Variants in KIF1A observed in about 807,000 individuals in gnomAD.
KIF1A encodes kinesin family member 1A.
KIF1A carries 46 observed loss-of-function variants against 227.3 expected under a neutral mutation model. The ratio of observed to expected loss-of-function variants is 0.20; its 90% CI spans 0.16 to 0.26. KIF1A has a LOEUF of 0.26. KIF1A is among the 10% of genes least tolerant of loss of function. The pLI is 1.00. For synonymous variants in KIF1A, 1,022 were observed against 1,012.8 expected, an observed-to-expected ratio of 1.01 and a Z score of -0.17; for missense variants, 1,683 against 2,485.9, an observed-to-expected ratio of 0.68 and a Z score of 6.87.
intron 2 of KIF1A, among the ~76,000 whole-genome samples, chr2:240,796,034 G>C (rs1004535324): frequency 7.2e-5 from 11 of 152,306 alleles, no homozygotes; most frequent in African/African-American, 2.6e-4. Flanking sequence ...GATTCACAGG[G>C]CCCTCCCTGA....
chr2:240,741,307 C>A lies in KIF1A; in HGVS notation c.3711G>T (p.Leu1237=), dbSNP rs763048724. The A allele has an allele frequency of 1.0e-5, 16 of 1,600,234 alleles. No homozygotes were observed. In the South Asian group the frequency reaches 1.7e-4, roughly 17 times the overall value. ...PGPCHCKYDL[L]VYFEICELEA... ...CCAGCTCACAGATCTCGAAGTAGAC[C>A]AGCAGGTCGTACTTGCAGTGGCAGG... Residue 1237 remains leucine (L), a synonymous_variant, in exon 35 of 49, where the codon CTG becomes CTT. Transcript: ENST00000498729.
chr2:240,717,888 C>T (rs563893216), intron 48 of KIF1A, among the ~76,000 whole-genome samples, 162 bp downstream of exon 48: 116 of 152,342 alleles, frequency 7.6e-4, no homozygotes, highest in African/African-American at 2.7e-3. Flanking sequence ...CCGCACCCTG[C>T]GGCTGGCCCT....
At chr2:240,784,696 G>A (rs1220845691) in intron 7 of KIF1A, among the ~76,000 whole-genome samples, 8 of 152,258 alleles carry the variant, frequency 5.3e-5, no homozygotes, top group African/African-American at 9.6e-5. Flanking sequence ...GGAGAGGCTG[G>A]GTGCCCTCCT....
intron 20 of KIF1A, 110 bp from the exon 21 acceptor site, chr2:240,763,456 A>T: frequency 2.0e-6 from 2 of 1,023,198 alleles, no homozygotes; most frequent in Non-Finnish European, 2.8e-6. Flanking sequence ...GCACCCCACC[A>T]TCCCCAGCTC....
At chr2:240,747,368 A>G (rs1242648966) in intron 28 of KIF1A, 47 bp from the exon 29 acceptor site, 3 of 1,527,498 alleles carry the variant, frequency 2.0e-6, no homozygotes, top group South Asian at 2.3e-5. Flanking sequence ...TTGTCCCCTG[A>G]GGTGGGTGTG....
chr2:240,746,486 G>GC (rs2048614813), intron 29 of KIF1A, among the ~76,000 whole-genome samples: 1 of 152,196 alleles, frequency 6.6e-6, no homozygotes, highest in Non-Finnish European at 1.5e-5. Flanking sequence ...ACCCCCGCCT[G>GC]CCAGGGCCCC....
At chr2:240,719,731 G>A in intron 46 of KIF1A, 43 bp downstream of exon 46, 1 of 1,496,070 alleles carries the variant, frequency 6.7e-7, no homozygotes, top group South Asian at 1.3e-5. Flanking sequence ...TCCCCTGTCA[G>A]CACAGAGCTG....
chr2:240,812,282 T>G (rs1197719122), intron 1 of KIF1A, among the ~76,000 whole-genome samples: 1 of 152,148 alleles, frequency 6.6e-6, no homozygotes. Flanking sequence ...CCAAGGCAGA[T>G]GACAAAGCGT....
rs80197742 is a variant in KIF1A, at chr2:240,749,479, C to T, written c.2977+950G>A. Among the ~76,000 whole-genome samples the T allele has an allele frequency of 3.2e-3, 494 of 152,298 alleles. 15 individuals carry two copies. The East Asian group carries it at 0.06, about 18-fold the overall frequency. On this transcript the variant is annotated intron_variant, in intron 28 of 48. Coordinates refer to ENST00000498729, the MANE Select transcript of KIF1A (RefSeq NM_001244008.2). Reference sequence around the variant, plus strand: ...TCTGTGTGTCTGTCTGTCTGTACTACTCCCTCCCTAGGGTGCCCAGGCAGC... The same window carrying T: ...TCTGTGTGTCTGTCTGTCTGTACTATTCCCTCCCTAGGGTGCCCAGGCAGC...
intron 44 of KIF1A, 97 bp downstream of exon 44, chr2:240,721,710 G>C: frequency 1.0e-6 from 1 of 993,558 alleles, no homozygotes; most frequent in Non-Finnish European, 1.5e-6. Flanking sequence ...ACTCTTAACT[G>C]CCTTTTCCCA....
At chr2:240,719,221 G>A (rs776896886) in intron 46 of KIF1A, 23 bp from the exon 47 acceptor site, 59 of 1,583,062 alleles carry the variant, frequency 3.7e-5, no homozygotes, top group African/African-American at 8.2e-5. Flanking sequence ...AGAGCTGCTC[G>A]CTGGGGCCCT....
chr2:240,724,042 G>A lies in KIF1A; in HGVS notation c.4257-6C>T, dbSNP rs1440735433. On this transcript the variant is annotated splice_polypyrimidine_tract_variant and splice_region_variant and intron_variant, in intron 40 of 48. Coordinates refer to ENST00000498729, the MANE Select transcript of KIF1A (RefSeq NM_001244008.2). ...ACACACCAGTCACACGGTTACTGTG[G>A]GGAGTAGAAGGAGTGACATGCAGTC... is the stretch of plus-strand genomic sequence containing the variant. 6.2e-7 allele frequency: 1 copy of A among 1,612,282 alleles called. No individual in the cohort carries two copies. The highest frequency in any genetic ancestry group is 8.5e-7 in the Non-Finnish European group (1 of 1,179,516).
In KIF1A at chr2:240,719,111, G is replaced by T; in HGVS notation, c.5109C>A (p.Pro1703=). ...TGTCGCTGTTGTACATGTAGGCATA[G>T]GGGCGCCGCACCACCACGAAGCGCC... ...WARRFVVVRR[P]YAYMYNSDKD... Residue 1703 remains proline (P), a synonymous_variant, in exon 47 of 49, where the codon CCC becomes CCA. Transcript: ENST00000498729. 6.2e-7 allele frequency: 1 copy of T among 1,612,626 alleles called. No homozygotes were observed. Among genetic ancestry groups the T allele is most frequent in the Non-Finnish European group, 8.5e-7 (1 of 1,179,756 alleles).
chr2:240,818,728 C>G (rs1316662520), intron 1 of KIF1A: 1 of 152,528 alleles, frequency 6.6e-6, no homozygotes, highest in Non-Finnish European at 1.5e-5. Context: ...AAGGCCCCGC[C>G]AGCCTGAGTG....
chr2:240,760,935 C>T, intron 24 of KIF1A, 92 bp from the exon 25 acceptor site: 1 of 1,253,780 alleles, frequency 8.0e-7, no homozygotes, highest in Non-Finnish European at 1.1e-6. Flanking sequence ...CTGGAGATTT[C>T]AGCTGCCTGC....
chr2:240,730,577 G>A (rs754045002), intron 38 of KIF1A, among the ~76,000 whole-genome samples: 4 of 152,290 alleles, frequency 2.6e-5, no homozygotes, highest in South Asian at 4.1e-4. Flanking sequence ...CCAGGGAGGC[G>A]ATCTAACAGG....
intron 27 of KIF1A, among the ~76,000 whole-genome samples, chr2:240,753,973 C>T (rs2049526469): frequency 1.3e-5 from 2 of 152,216 alleles, no homozygotes; most frequent in South Asian, 2.1e-4. Context: ...CTCACCCACT[C>T]TGAGTGGGCA....
chr2:240,764,100 G>A (rs1575591510), intron 20 of KIF1A, among the ~76,000 whole-genome samples: 2 of 152,288 alleles, frequency 1.3e-5, no homozygotes, highest in African/African-American at 4.8e-5. Flanking sequence ...TTCCCTAGTA[G>A]CTGCAGCTCT....
chr2:240,808,177 C>T (rs2057577838), intron 1 of KIF1A, among the ~76,000 whole-genome samples: 1 of 152,108 alleles, frequency 6.6e-6, no homozygotes. Context: ...TAACAAACAA[C>T]ATAAATATGA....
Sources: gnomAD v4.1 joint callset for allele counts (sites outside exome capture counted in the v4.1 genomes callset) on GRCh38, gnomAD v4.1.1 for gene constraint, MANE v1.5 for transcripts, NCBI Gene and HGNC (gene_info 2026-07-23, HGNC 2026-07-21) for gene names.